Variants in MICALL1 observed in about 807,000 individuals in gnomAD.
MICALL1 encodes MICAL-like protein 1.
Under a neutral mutation model 83.7 loss-of-function variants are expected in MICALL1, and 61 were observed. The ratio of observed to expected loss-of-function variants is 0.73; its 90% confidence interval spans 0.59 to 0.90. MICALL1 has a LOEUF of 0.90. Ranked by LOEUF, MICALL1 falls within the 40% of genes least tolerant of loss-of-function variation. The pLI is 0.00. For missense variants in MICALL1, 1,066 were observed against 1,152.0 expected, an observed-to-expected ratio of 0.93 and a Z score of 1.08; for synonymous variants, 481 against 473.6, an observed-to-expected ratio of 1.02 and a Z score of -0.20.
chr22:37,919,199 G>A, intron 5 of MICALL1, 21 bp downstream of exon 5: 1 of 1,502,182 alleles, frequency 6.7e-7, no homozygotes, highest in Middle Eastern at 2.1e-4. Context: ...AGGGCCGCGT[G>A]TTACCCCCGA....
chr22:37,911,816 C>T, intron 1 of MICALL1, 136 bp from the exon 2 acceptor site: 1 of 814,802 alleles, frequency 1.2e-6, no homozygotes, highest in East Asian at 2.4e-5. Flanking sequence ...CACAGACTCC[C>T]CCCCAGCAAC....
At position 37,922,108 on chromosome 22, in the gene MICALL1, C is replaced by T. The variant is rs1275775488; in HGVS notation, c.706C>T (p.Gln236Ter). 1.2e-6 allele frequency: 2 copies of T among 1,613,300 alleles called. No homozygotes were observed. The highest frequency in any genetic ancestry group is 1.7e-5 in the Admixed American group (1 of 60,032). ...RSGTRPGPFSQPKQQHQQQLA... is the reference protein window; with the variant it reads ...RSGTRPGPFS ...GGGGACCAGGCCTGGGCCCTTCTCA[C>T]AGCCAAAGCAGCAGCACCAGCAGCA... The change falls in exon 6 of 16, where the codon CAG becomes TAG. Residue 236 changes from glutamine to a stop codon, truncating the protein, a stop_gained. Coordinates refer to ENST00000215957, the MANE Select transcript of MICALL1 (RefSeq NM_033386.4). LOFTEE classifies it high-confidence loss of function.
At chr22:37,935,406 G>A (rs1480933202) in intron 13 of MICALL1, among the ~76,000 whole-genome samples, 4 of 150,996 alleles carry the variant, frequency 2.6e-5, no homozygotes, top group East Asian at 3.9e-4. Flanking sequence ...GACTACAGGC[G>A]CCCGCCACCA....
At chr22:37,926,344 G>A (rs970474237) in intron 8 of MICALL1, among the ~76,000 whole-genome samples, 4 of 152,150 alleles carry the variant, frequency 2.6e-5, no homozygotes, top group African/African-American at 9.7e-5. Context: ...CCTCCCTGTC[G>A]TGCTCGTTAA....
intron 5 of MICALL1, among the ~76,000 whole-genome samples, chr22:37,921,765 C>T (rs917450565): frequency 2.6e-5 from 4 of 152,152 alleles, no homozygotes; most frequent in East Asian, 1.9e-4. Flanking sequence ...TTGCTGAGTT[C>T]GTGTGATTTG....
chr22:37,937,375 G>A (rs1293500791), intron 14 of MICALL1, among the ~76,000 whole-genome samples, 181 bp downstream of exon 14: 1 of 151,516 alleles, frequency 6.6e-6, no homozygotes, highest in Non-Finnish European at 1.5e-5. Context: ...TGGACAGAGA[G>A]GGCATCTGCT....
intron 8 of MICALL1, chr22:37,926,569 C>T (rs1351722390): frequency 2.0e-5 from 3 of 153,250 alleles, no homozygotes; most frequent in Non-Finnish European, 4.4e-5. Context: ...GCTGCTGGGC[C>T]TCCTCCGCCC....
intron 1 of MICALL1, among the ~76,000 whole-genome samples, chr22:37,909,597 A>G (rs1055539327): frequency 1.3e-5 from 2 of 151,888 alleles, no homozygotes; most frequent in Non-Finnish European, 2.9e-5. Flanking sequence ...TGACCTCGTG[A>G]TCCACCTGCC....
At chr22:37,936,504 G>A (rs1930128817) in intron 13 of MICALL1, among the ~76,000 whole-genome samples, 1 of 152,216 alleles carries the variant, frequency 6.6e-6, no homozygotes, top group African/African-American at 2.4e-5. Flanking sequence ...TGCAGTAGGT[G>A]CTGTGCTGGC....
At chr22:37,939,728 C>T (rs1239813844) in intron 15 of MICALL1, among the ~76,000 whole-genome samples, 2 of 137,760 alleles carry the variant, frequency 1.5e-5, no homozygotes, top group Admixed American at 8.3e-5. Flanking sequence ...GAGCCGAGAT[C>T]GTGCCACTGC....
intron 9 of MICALL1, among the ~76,000 whole-genome samples, chr22:37,929,210 G>A (rs944342421): frequency 6.6e-6 from 1 of 152,140 alleles, no homozygotes; most frequent in East Asian, 1.9e-4. Context: ...CTAGAGTAGA[G>A]CACAGAGGGG....
intron 1 of MICALL1, among the ~76,000 whole-genome samples, chr22:37,911,568 G>A (rs1263358460): frequency 6.6e-6 from 1 of 152,224 alleles, no homozygotes; most frequent in Non-Finnish European, 1.5e-5. Flanking sequence ...ACTGCGCCCT[G>A]GGGGAGGTCA....
intron 13 of MICALL1, among the ~76,000 whole-genome samples, chr22:37,933,692 C>T (rs1312550750): frequency 1.5e-4 from 23 of 152,164 alleles, no homozygotes; most frequent in African/African-American, 9.7e-5. Flanking sequence ...TGCAGTGAAC[C>T]GCAGCTGCAG....
chr22:37,925,750 G>C lies in MICALL1; in HGVS notation c.1172G>C (p.Ser391Thr). Residue 391 changes from serine (S) to threonine (T), a missense_variant, in exon 8 of 16, where the codon AGC becomes ACC. By Grantham distance (58) the Ser-to-Thr change is moderately conservative. Transcript: ENST00000215957. ...CCAGCCCCACTTCCCCCAAGCAGCAGCCCGGGGCCACCAAGCCAGGACAGC... is the reference window on the plus strand; with the variant it reads ...CCAGCCCCACTTCCCCCAAGCAGCACCCCGGGGCCACCAAGCCAGGACAGC... ...KKPAPLPPSS[S>T]PGPPSQDSRQ... The C allele has an allele frequency of 6.2e-7, 1 of 1,612,570 alleles. No individual in the cohort carries two copies. The highest frequency in any genetic ancestry group is 8.5e-7 in the Non-Finnish European group (1 of 1,179,848).
chr22:37,935,227 A>C (rs5756854), intron 13 of MICALL1, among the ~76,000 whole-genome samples: 47,135 of 144,744 alleles, frequency 0.33, 7,659 homozygotes, highest in Middle Eastern at 0.38. Flanking sequence ...CCACCGCGCC[A>C]AGCCCTGGCC....
At chr22:37,908,633 C>A (rs1928118317) in intron 1 of MICALL1, among the ~76,000 whole-genome samples, 1 of 152,102 alleles carries the variant, frequency 6.6e-6, no homozygotes, top group Non-Finnish European at 1.5e-5. Flanking sequence ...ATTTATTCAA[C>A]CAGTATTTGT....
chr22:37,917,842 G>A (rs767482792), intron 4 of MICALL1, 47 bp downstream of exon 4: 23 of 1,507,634 alleles, frequency 1.5e-5, no homozygotes, highest in African/African-American at 1.4e-4. Flanking sequence ...TGGAGGGGGC[G>A]AGTTATGTGG....
Position 37,912,502 on chromosome 22 carries a change from G to A in MICALL1, c.337+10G>A. Reference sequence around the variant, plus strand: ...TGCAGTCCTGGCCAAGGTGAGAGGGGGACTCAGCGTTTCACGGAGGCTGGC... The same window carrying A: ...TGCAGTCCTGGCCAAGGTGAGAGGGAGACTCAGCGTTTCACGGAGGCTGGC... On this transcript the variant is annotated intron_variant, in intron 3 of 15. Transcript: ENST00000215957. 6.3e-7 allele frequency: 1 copy of A among 1,589,346 alleles called. No homozygotes were observed. Among genetic ancestry groups the A allele is most frequent in the South Asian group, 1.1e-5 (1 of 88,996 alleles).
At position 37,922,179 on chromosome 22, in the gene MICALL1, C is replaced by T. The variant is rs1929079942; in HGVS notation, c.777C>T (p.Ser259=). ...AKDVPGGGPS[S]SAPAGAEADG... is the part of the protein sequence containing the mutation. ...ATGTTCCAGGAGGCGGCCCCAGCTC[C>T]AGTGCTCCTGCAGGGGCTGAGGCCG... The change falls in exon 6 of 16, where the codon TCC becomes TCT. Residue 259 remains serine (S), a synonymous_variant. Transcript: ENST00000215957. 1 of 1,612,792 alleles carries T rather than the reference C, an allele frequency of 6.2e-7. No individual in the cohort carries two copies. Among genetic ancestry groups the T allele is most frequent in the Admixed American group, 1.7e-5 (1 of 60,002 alleles).
Sources: gnomAD v4.1 joint callset for allele counts (sites outside exome capture counted in the v4.1 genomes callset) on GRCh38, gnomAD v4.1.1 for gene constraint, MANE v1.5 for transcripts, NCBI Gene and HGNC (gene_info 2026-07-23, HGNC 2026-07-21) for gene names.